Variants in SSH1 observed in about 807,000 individuals in gnomAD.
SSH1 encodes protein phosphatase Slingshot homolog 1.
A neutral mutation model predicts 79.7 loss-of-function variants in SSH1; 43 were observed. The ratio of observed to expected loss-of-function variants is 0.54; its 90% CI spans 0.42 to 0.70. The LOEUF (loss-of-function observed/expected upper bound fraction) is 0.70. SSH1 is among the 30% of genes least tolerant of loss of function. The probability of loss-of-function intolerance (pLI) is 0.00; values close to 1 mark genes in which losing one functional copy is unlikely to be tolerated. For synonymous variants in SSH1, 599 were observed against 538.3 expected (o/e 1.11, Z -1.56); for missense variants, 1,206 against 1,358.8 (o/e 0.89, Z 1.77).
intron 5 of SSH1, among the ~76,000 whole-genome samples, chr12:108,813,145 G>A (rs1183516658): frequency 6.6e-6 from 1 of 152,166 alleles, no homozygotes; most frequent in African/African-American, 2.4e-5. Flanking sequence ...TGGGAAGCAG[G>A]AAAGGGATAC....
chr12:108,814,544 C>A (rs925666226), intron 5 of SSH1, among the ~76,000 whole-genome samples: 5 of 152,018 alleles, frequency 3.3e-5, no homozygotes, highest in African/African-American at 7.2e-5. Context: ...TCCCAGCCCC[C>A]GGGATTCCCT....
intron 2 of SSH1, chr12:108,825,984 G>C: frequency 2.6e-6 from 1 of 388,080 alleles, no homozygotes; most frequent in Non-Finnish European, 5.0e-6. Context: ...CTATGCGAGA[G>C]GTTCCAAACT....
Position 108,780,147 on chromosome 12 carries a change from GCTT to G in SSH1, c.*7838_*7840del, listed in dbSNP as rs2036132850. ...TGGGTGGAGCTCTCCTTTAGAAAGGGCTTCTTTACCATAAAGTGAATCCCCCTA... is the reference window on the plus strand; with the variant it reads ...TGGGTGGAGCTCTCCTTTAGAAAGGGCTTTACCATAAAGTGAATCCCCCTA... On this transcript the variant is annotated 3_prime_UTR_variant, in exon 15 of 15. Transcript: ENST00000326495. 6.6e-6 allele frequency: 1 copy of G among 152,188 alleles called. No individual in the cohort carries two copies. The highest frequency in any genetic ancestry group is 2.4e-5 in the African/African-American group (1 of 41,436). 9.4% of individuals were successfully genotyped at this position (152,188 alleles called of 1,614,324 possible). A position where few individuals can be genotyped will look rare whatever the true frequency, so the allele number is the denominator to read the frequency against.
intron 2 of SSH1, among the ~76,000 whole-genome samples, chr12:108,848,892 C>T (rs1219792993): frequency 6.7e-6 from 1 of 149,848 alleles, no homozygotes; most frequent in Non-Finnish European, 1.5e-5. Context: ...GTCAGAATGA[C>T]CCAACATCCC....
At position 108,800,849 on chromosome 12, in the gene SSH1, A is replaced by C; in HGVS notation, c.1079T>G (p.Val360Gly). 6.2e-7 allele frequency: 1 copy of C among 1,613,964 alleles called. No individual in the cohort carries two copies. The highest frequency in any genetic ancestry group is 8.5e-7 in the Non-Finnish European group (1 of 1,179,918). Residue 360 changes from valine to glycine, a missense_variant, in exon 12 of 15, where the codon GTC (valine) becomes GGC (glycine). Transcript: ENST00000326495. ...GAGGTCTGTGGTCTCTTCATCGTAG[A>C]CTCGGATGTTATGATATGCAAATAA... ...PGLFAYHNIR[V>G]YDEETTDLLA...
chr12:108,857,204 G>T lies in SSH1; in HGVS notation c.69+224C>A, dbSNP rs2039162532. 6.6e-6 allele frequency among the ~76,000 whole-genome samples: 1 copy of T among 152,110 alleles called. No homozygotes were observed. The highest frequency in any genetic ancestry group is 6.5e-5 in the Admixed American group (1 of 15,284). On this transcript the variant is annotated intron_variant, in intron 1 of 14. Transcript: ENST00000326495. This position sits in a 1 kb window ranked among gnomAD's most constrained non-coding sequence, Gnocchi z 4.7. ...CCCTGCAAAGTCGCCCCCCGATAGG[G>T]GTCACACCGCACACAAAGTCCCCGC...
intron 2 of SSH1, among the ~76,000 whole-genome samples, chr12:108,849,888 G>A (rs1487551982): frequency 8.0e-5 from 3 of 37,684 alleles, no homozygotes; most frequent in African/African-American, 3.9e-4. Flanking sequence ...AGATGGGGAG[G>A]AGAGCCCAGA....
At chr12:108,796,064 C>T (rs1161495125) in intron 13 of SSH1, among the ~76,000 whole-genome samples, 5 of 152,048 alleles carry the variant, frequency 3.3e-5, no homozygotes, top group South Asian at 4.2e-4. Context: ...TACAGGTGCA[C>T]GCCACCACAC....
rs536166915 is a variant in SSH1, at chr12:108,810,973, G to A, written c.470+287C>T. On this transcript the variant is annotated intron_variant, in intron 6 of 14. Transcript: ENST00000326495. ...GCGGTGAGAGTTCACTTAACCCATC[G>A]AGGTGGCGGATGGGTATCGGTTTAC... Among the ~76,000 whole-genome samples, 6 of 152,362 alleles carry A rather than the reference G, an allele frequency of 3.9e-5. No individual in the cohort carries two copies. In the South Asian group the frequency reaches 6.2e-4, roughly 16 times the overall value.
chr12:108,796,812 G>A (rs1044981156), intron 13 of SSH1, among the ~76,000 whole-genome samples: 7 of 151,254 alleles, frequency 4.6e-5, no homozygotes, highest in East Asian at 3.9e-4. Flanking sequence ...GTGTGATCTC[G>A]GCTCACTGTA....
Position 108,827,085 on chromosome 12 carries a change from T to C in SSH1, c.111-3724A>G, listed in dbSNP as rs550613926. 4.6e-5 allele frequency among the ~76,000 whole-genome samples: 7 copies of C among 151,830 alleles called. No individual in the cohort carries two copies. In the South Asian group the frequency reaches 6.2e-4, roughly 14 times the overall value. ...ACCACACAGATCTGTTCTCGGACAC[T>C]GATTACTGCCATTCGGGAAGCTTCA... On this transcript the variant is annotated intron_variant, in intron 2 of 14. Coordinates refer to ENST00000326495, the MANE Select transcript of SSH1 (RefSeq NM_018984.4).
intron 2 of SSH1, among the ~76,000 whole-genome samples, chr12:108,827,003 TAAA>T (rs34956372): frequency 7.1e-6 from 1 of 140,726 alleles, no homozygotes. Context: ...TGATGAGGGA[TAAA>T]AAAAAAAAAA....
intron 2 of SSH1, among the ~76,000 whole-genome samples, chr12:108,835,082 C>T (rs2038567300): frequency 6.6e-6 from 1 of 152,164 alleles, no homozygotes; most frequent in South Asian, 2.1e-4. Flanking sequence ...CAGCTAAGTT[C>T]CCCACATCAC....
At chr12:108,848,508 C>T (rs2038949618) in intron 2 of SSH1, among the ~76,000 whole-genome samples, 1 of 152,216 alleles carries the variant, frequency 6.6e-6, no homozygotes, top group Non-Finnish European at 1.5e-5. Context: ...CCCTAATTCT[C>T]CTGACCCCAA....
At chr12:108,836,564 C>T (rs1240929551) in intron 2 of SSH1, among the ~76,000 whole-genome samples, 1 of 152,114 alleles carries the variant, frequency 6.6e-6, no homozygotes, top group Non-Finnish European at 1.5e-5. Flanking sequence ...GCAAGGATGT[C>T]AACAATTTAA....
chr12:108,802,470 T>C (rs771178264), intron 10 of SSH1, 102 bp from the exon 11 acceptor site: 346 of 1,043,928 alleles, frequency 3.3e-4, no homozygotes, highest in Admixed American at 3.8e-4. Context: ...GAGGTCTTAT[T>C]TCATGGCCCC....
In SSH1 at chr12:108,851,260, TAA is replaced by T. The variant is rs143568409; in HGVS notation, c.110+1376_110+1377del. On this transcript the variant is annotated intron_variant, in intron 2 of 14. Coordinates refer to ENST00000326495, the MANE Select transcript of SSH1 (RefSeq NM_018984.4). ...TCTTTAGAAATCATGTGTGCCGTAA[TAA>T]AAGTGAGTATTTCCCCTCCCTTCAC... Among the ~76,000 whole-genome samples the T allele has an allele frequency of 9.3e-3, 1,423 of 152,284 alleles. 10 individuals are homozygous for T. The highest frequency in any genetic ancestry group is 0.013 in the Non-Finnish European group (870 of 68,022).
intron 2 of SSH1, among the ~76,000 whole-genome samples, chr12:108,836,072 TATATA>T (rs1413494021): frequency 1.5e-4 from 22 of 147,486 alleles, no homozygotes; most frequent in African/African-American, 4.4e-4. Flanking sequence ...AAATATATAC[TATATA>T]ATATAAATAA....
At chr12:108,838,680 C>T (rs1192564495) in intron 2 of SSH1, among the ~76,000 whole-genome samples, 1 of 152,230 alleles carries the variant, frequency 6.6e-6, no homozygotes, top group Non-Finnish European at 1.5e-5. Flanking sequence ...AGGCATGCAG[C>T]ATCAGCTCTC....
Sources: gnomAD v4.1 joint callset for allele counts (sites outside exome capture counted in the v4.1 genomes callset) on GRCh38, gnomAD v4.1.1 for gene constraint, Gnocchi (gnomAD v3.1) non-coding constraint, MANE v1.5 for transcripts, NCBI Gene and HGNC (gene_info 2026-07-23, HGNC 2026-07-21) for gene names.